PPFIA2: variants seen among roughly 807,000 people sequenced by gnomAD.
PPFIA2 encodes PPFI scaffold protein A2, also known as liprin-alpha-2.
A neutral mutation model predicts 175.5 loss-of-function variants in PPFIA2; 46 were observed. The observed-to-expected ratio is 0.26, with a 90% CI of 0.21 to 0.34. The LOEUF (loss-of-function observed/expected upper bound fraction) is 0.34, where lower values mean the gene tolerates loss of function less well. Among genes scored for constraint, PPFIA2 ranks in the 10% least tolerant of loss-of-function variants. PPFIA2 has a pLI of 1.00. For missense variants in PPFIA2, 1,179 were observed against 1,506.1 expected (o/e 0.78, Z 3.60); for synonymous variants, 568 against 511.4 (o/e 1.11, Z -1.49).
At chr12:81,432,411 T>C (rs900914293) in intron 7 of PPFIA2, among the ~76,000 whole-genome samples, 1 of 151,812 alleles carries the variant, frequency 6.6e-6, no homozygotes. Flanking sequence ...TTACAATTAG[T>C]TTTTAACATT....
chr12:81,559,909 G>T (rs2069661044), intron 4 of PPFIA2, among the ~76,000 whole-genome samples: 1 of 151,684 alleles, frequency 6.6e-6, no homozygotes, highest in Admixed American at 6.6e-5. Flanking sequence ...TATCTCAGTG[G>T]ACTCCTTTGG....
At position 81,507,904 on chromosome 12, in the gene PPFIA2, T is replaced by C. The variant is rs138929317; in HGVS notation, c.304-50038A>G. Among the ~76,000 whole-genome samples the C allele has an allele frequency of 9.2e-5, 14 of 152,308 alleles. No individual in the cohort carries two copies. The East Asian group carries it at 2.3e-3, about 25-fold the overall frequency. The stretch of plus-strand genomic sequence containing the variant: ...GGCACTAGAGCACAAACATCTATCA[T>C]TGAATCTGAAACCCTATCACATAAC... On this transcript the variant is annotated intron_variant, in intron 4 of 32. Coordinates refer to ENST00000549396, the MANE Select transcript of PPFIA2 (RefSeq NM_003625.5).
intron 7 of PPFIA2, among the ~76,000 whole-genome samples, chr12:81,407,116 A>G (rs117874039): frequency 0.014 from 2,176 of 152,298 alleles, 34 homozygotes; most frequent in Non-Finnish European, 0.024. Flanking sequence ...TTCATCTACA[A>G]TCTATTATCC....
At chr12:81,367,739 A>G (rs1343428677) in intron 13 of PPFIA2, among the ~76,000 whole-genome samples, 2 of 151,712 alleles carry the variant, frequency 1.3e-5, no homozygotes, top group Non-Finnish European at 3.0e-5. Context: ...AGTTGGCATC[A>G]TAGATACTTA....
chr12:81,352,946 G>T (rs1174083270), intron 17 of PPFIA2, among the ~76,000 whole-genome samples, 173 bp downstream of exon 17: 1 of 152,032 alleles, frequency 6.6e-6, no homozygotes, highest in Admixed American at 6.6e-5. Context: ...CAATATCCTG[G>T]GAATCTTCTG....
intron 14 of PPFIA2, 25 bp downstream of exon 14, chr12:81,367,083 C>A: frequency 2.8e-6 from 4 of 1,451,684 alleles, no homozygotes; most frequent in South Asian, 1.4e-5. Flanking sequence ...AGAAAATGGG[C>A]CCAAAACATA....
intron 4 of PPFIA2, among the ~76,000 whole-genome samples, chr12:81,564,240 A>G (rs1224332082): frequency 6.6e-6 from 1 of 152,204 alleles, no homozygotes; most frequent in Admixed American, 6.5e-5. Flanking sequence ...AAAGCAGAGC[A>G]TTTGAAATGA....
intron 4 of PPFIA2, among the ~76,000 whole-genome samples, chr12:81,547,910 TC>T (rs1157382938): frequency 6.6e-6 from 1 of 152,186 alleles, no homozygotes; most frequent in African/African-American, 2.4e-5. Flanking sequence ...ATACTTACTT[TC>T]CTTTAAATAA....
chr12:81,695,645 T>TA (rs2075812357), intron 3 of PPFIA2, among the ~76,000 whole-genome samples: 1 of 152,142 alleles, frequency 6.6e-6, no homozygotes. Context: ...AGATACTTTT[T>TA]AAAAAAACAA....
intron 3 of PPFIA2, among the ~76,000 whole-genome samples, chr12:81,683,304 C>T (rs1447538020): frequency 6.6e-6 from 1 of 151,278 alleles, no homozygotes; most frequent in East Asian, 2.0e-4. Context: ...CATCCTAATC[C>T]CTTGTACTAT....
chr12:81,469,034 G>A (rs966440850), intron 4 of PPFIA2, among the ~76,000 whole-genome samples: 3 of 152,158 alleles, frequency 2.0e-5, no homozygotes, highest in African/African-American at 4.8e-5. Context: ...CAATAGAGGC[G>A]TATGAGAGTT....
At chr12:81,431,954 T>C (rs2048171048) in intron 7 of PPFIA2, among the ~76,000 whole-genome samples, 1 of 152,168 alleles carries the variant, frequency 6.6e-6, no homozygotes, top group Admixed American at 6.5e-5. Context: ...GAGCTCTTTA[T>C]AGTCACTTTT....
intron 17 of PPFIA2, among the ~76,000 whole-genome samples, chr12:81,348,064 T>C (rs2059372628): frequency 6.6e-6 from 1 of 152,168 alleles, no homozygotes. Flanking sequence ...TATTTAAAAA[T>C]CTTGAACCTA....
intron 14 of PPFIA2, among the ~76,000 whole-genome samples, chr12:81,365,472 G>C (rs531307601): frequency 6.6e-6 from 1 of 151,824 alleles, no homozygotes; most frequent in East Asian, 1.9e-4. Flanking sequence ...GGTAGGTGGT[G>C]GGGGAGTGGG....
chr12:81,561,516 C>T (rs181763312), intron 4 of PPFIA2, among the ~76,000 whole-genome samples: 3 of 151,836 alleles, frequency 2.0e-5, no homozygotes, highest in Non-Finnish European at 4.4e-5. Context: ...GAGTCCCCCC[C>T]CAAAAAAAAC....
At position 81,692,366 on chromosome 12, in the gene PPFIA2, G is replaced by A. The variant is rs111609266; in HGVS notation, c.250-15522C>T. Among the ~76,000 whole-genome samples, 26 of 152,086 alleles carry A rather than the reference G, an allele frequency of 1.7e-4. No homozygotes were observed. The East Asian group carries it at 2.7e-3, about 16-fold the overall frequency. ...TGGAGTCTGAGGACCCAGCTAAACC[G>A]TGCCAAATTCCTACCCACAGATATT... On this transcript the variant is annotated intron_variant, in intron 3 of 32. Transcript: ENST00000549396.
intron 24 of PPFIA2, among the ~76,000 whole-genome samples, chr12:81,285,498 A>C (rs1242685502): frequency 6.6e-6 from 1 of 152,110 alleles, no homozygotes; most frequent in Non-Finnish European, 1.5e-5. Flanking sequence ...GAAATCTTAT[A>C]TATGTATATA....
At chr12:81,571,026 T>C (rs1021755439) in intron 4 of PPFIA2, among the ~76,000 whole-genome samples, 4 of 152,100 alleles carry the variant, frequency 2.6e-5, no homozygotes, top group Admixed American at 1.3e-4. Context: ...CTATTCATTA[T>C]GGTGTAACAA....
intron 8 of PPFIA2, among the ~76,000 whole-genome samples, chr12:81,391,326 A>T (rs1437976168): frequency 6.6e-6 from 1 of 151,888 alleles, no homozygotes; most frequent in East Asian, 1.9e-4. Flanking sequence ...ATCCCTGAAG[A>T]ATAATTGTAA....
Sources: gnomAD v4.1 joint callset for allele counts (sites outside exome capture counted in the v4.1 genomes callset) on GRCh38, gnomAD v4.1.1 for gene constraint, MANE v1.5 for transcripts, NCBI Gene and HGNC (gene_info 2026-07-23, HGNC 2026-07-21) for gene names.